Variants in RAB6A observed in about 807,000 individuals in gnomAD.
RAB6A encodes RAB6A, member RAS oncogene family.
A neutral mutation model predicts 32.3 loss-of-function variants in RAB6A; 8 were observed. That is an observed-to-expected ratio of 0.25 (90% CI 0.15 to 0.45). The LOEUF (loss-of-function observed/expected upper bound fraction) is 0.45. Ranked by LOEUF, RAB6A falls within the 20% of genes least tolerant of loss-of-function variation. The pLI is 1.00. For synonymous variants in RAB6A, 73 were observed against 82.1 expected (o/e 0.89, Z 0.60); for missense variants, 104 against 249.4 (o/e 0.42, Z 3.93).
At position 73,677,568 on chromosome 11, in the gene RAB6A, A is replaced by G. The variant is rs1400168664; in HGVS notation, c.*330T>C. On this transcript the variant is annotated 3_prime_UTR_variant, in exon 8 of 8. Transcript: ENST00000336083. ...ACCGCTCGTTAACCAAGCCATACTC[A>G]TACTGTTGAGATTTCCATCATTTTG... 3.5e-6 allele frequency: 2 copies of G among 565,652 alleles called. No individual in the cohort carries two copies. Among genetic ancestry groups the G allele is most frequent in the Non-Finnish European group, 6.2e-6 (2 of 322,256 alleles). 35.0% of individuals were successfully genotyped at this position (565,652 alleles called of 1,614,324 possible).
At chr11:73,725,945 G>T (rs1259453543) in intron 2 of RAB6A, among the ~76,000 whole-genome samples, 1 of 152,048 alleles carries the variant, frequency 6.6e-6, no homozygotes, top group Non-Finnish European at 1.5e-5. Context: ...TTGAGCTCAG[G>T]AGTTTGTCAT....
At chr11:73,712,599 C>T (rs530673607) in intron 5 of RAB6A, among the ~76,000 whole-genome samples, 30 of 152,094 alleles carry the variant, frequency 2.0e-4, no homozygotes, top group Non-Finnish European at 3.4e-4. Flanking sequence ...AATCCACCTG[C>T]CTTGGCCTCC....
rs1029355269 is a variant in RAB6A at position 73,677,189 on chromosome 11, T to C, written c.*709A>G. ...TTGTTTTAGTCAGAAATACATCTTA[T>C]GTTCTTCTACTTCTAAGTACTCAGT... is the stretch of plus-strand genomic sequence containing the variant. On this transcript the variant is annotated 3_prime_UTR_variant, in exon 8 of 8. Transcript: ENST00000336083. The C allele has an allele frequency of 7.2e-5, 12 of 167,146 alleles. No individual in the cohort carries two copies. Among genetic ancestry groups the C allele is most frequent in the African/African-American group, 2.9e-4 (12 of 41,478 alleles). The allele number at this position is 167,146 out of a possible 1,614,324, so 10.4% of individuals were successfully genotyped here. A position where few individuals can be genotyped will look rare whatever the true frequency, so the allele number is the denominator to read the frequency against.
chr11:73,679,791 T>A (rs1230666983), intron 6 of RAB6A, 71 bp from the exon 7 acceptor site: 1 of 1,584,366 alleles, frequency 6.3e-7, no homozygotes, highest in African/African-American at 1.3e-5. Context: ...TTATGATCAC[T>A]GTACAGTGAG....
rs1946411649 is a variant in RAB6A at position 73,737,179 on chromosome 11, T to C, written c.71-6356A>G. Among the ~76,000 whole-genome samples, 6 of 151,712 alleles carry C rather than the reference T, an allele frequency of 4.0e-5. No homozygotes were observed. The South Asian group carries it at 1.2e-3, about 32-fold the overall frequency. On this transcript the variant is annotated intron_variant, in intron 1 of 7. Coordinates refer to ENST00000336083, the MANE Select transcript of RAB6A (RefSeq NM_198896.2). The stretch of plus-strand genomic sequence containing the variant: ...ACATAATGTACTTCTAACCCAGAGG[T>C]TCAAGAAGAACTCACAATGGAAATT...
chr11:73,684,880 A>G (rs1283934243), intron 6 of RAB6A, among the ~76,000 whole-genome samples: 2 of 152,368 alleles, frequency 1.3e-5, no homozygotes, highest in East Asian at 3.9e-4. Context: ...GGATATATAC[A>G]TATTGGAGGC....
intron 6 of RAB6A, among the ~76,000 whole-genome samples, chr11:73,689,496 C>T (rs1038679205): frequency 1.2e-4 from 19 of 152,180 alleles, no homozygotes; most frequent in African/African-American, 4.1e-4. Flanking sequence ...TGGGCTGTGG[C>T]CCAAGGGTTG....
intron 1 of RAB6A, among the ~76,000 whole-genome samples, chr11:73,748,494 A>T (rs1946626260): frequency 6.6e-6 from 1 of 152,202 alleles, no homozygotes; most frequent in African/African-American, 2.4e-5. Context: ...CCTAGGTGAC[A>T]GAGTGAGACC....
At chr11:73,745,793 C>A (rs983278407) in intron 1 of RAB6A, among the ~76,000 whole-genome samples, 4 of 152,040 alleles carry the variant, frequency 2.6e-5, no homozygotes, top group Admixed American at 6.6e-5. Context: ...GATCACTCCA[C>A]TGGACTCCAG....
chr11:73,690,815 G>C (rs1263126040), intron 6 of RAB6A, among the ~76,000 whole-genome samples: 1 of 150,420 alleles, frequency 6.6e-6, no homozygotes, highest in Non-Finnish European at 1.5e-5. Flanking sequence ...GAAGCTAAGT[G>C]TCTCTGGACT....
intron 6 of RAB6A, among the ~76,000 whole-genome samples, chr11:73,683,815 A>C (rs886510800): frequency 6.6e-6 from 1 of 152,118 alleles, no homozygotes; most frequent in African/African-American, 2.4e-5. Context: ...AGCCTCCCAA[A>C]GTGCTGAGAT....
intron 5 of RAB6A, among the ~76,000 whole-genome samples, chr11:73,711,822 T>C (rs1259861911): frequency 1.3e-5 from 2 of 152,238 alleles, no homozygotes; most frequent in African/African-American, 4.8e-5. Flanking sequence ...GCAGTCTGAA[T>C]CTGAGGCAAA....
intron 6 of RAB6A, among the ~76,000 whole-genome samples, chr11:73,703,616 C>A (rs1377352409): frequency 4.6e-5 from 7 of 152,152 alleles, no homozygotes; most frequent in Non-Finnish European, 8.8e-5. Flanking sequence ...GTGGCATGCA[C>A]TTATAATCCC....
chr11:73,743,862 A>G (rs569704440), intron 1 of RAB6A, among the ~76,000 whole-genome samples: 1 of 152,080 alleles, frequency 6.6e-6, no homozygotes, highest in South Asian at 2.1e-4. Flanking sequence ...TGCCTGAAGG[A>G]AAAAAAACTA....
intron 6 of RAB6A, among the ~76,000 whole-genome samples, chr11:73,681,170 A>G (rs1945350414): frequency 6.6e-6 from 1 of 152,260 alleles, no homozygotes; most frequent in Non-Finnish European, 1.5e-5. Context: ...TTTGAGACAC[A>G]GAAATGAACA....
intron 1 of RAB6A, among the ~76,000 whole-genome samples, chr11:73,755,811 A>C (rs1431414884): frequency 6.9e-6 from 1 of 145,564 alleles, no homozygotes; most frequent in Non-Finnish European, 1.5e-5. Flanking sequence ...GGGAGGTGGA[A>C]AGGGGGAAGG....
At chr11:73,689,686 G>C (rs1174435415) in intron 6 of RAB6A, among the ~76,000 whole-genome samples, 1 of 152,032 alleles carries the variant, frequency 6.6e-6, no homozygotes, top group Non-Finnish European at 1.5e-5. Context: ...CACCACTTTG[G>C]GTTGTCCTAC....
intron 1 of RAB6A, among the ~76,000 whole-genome samples, chr11:73,731,702 AT>A (rs1482303954): frequency 6.2e-4 from 8 of 12,878 alleles, no homozygotes; most frequent in African/African-American, 1.9e-3. Context: ...ATATATATAT[AT>A]ATATATATAT....
At position 73,706,860 on chromosome 11, in the gene RAB6A, C is replaced by A. The variant is rs116323291; in HGVS notation, c.495+560G>T. On this transcript the variant is annotated intron_variant, in intron 6 of 7. Coordinates refer to ENST00000336083, the MANE Select transcript of RAB6A (RefSeq NM_198896.2). The stretch of plus-strand genomic sequence containing the variant: ...TACCGGCCGGGCATGGTGGCTCACA[C>A]CTGTCCCAGCACTTTGGGAGGCCAA... Among the ~76,000 whole-genome samples, 808 of 152,182 alleles carry A rather than the reference C, an allele frequency of 5.3e-3. 7 individuals are homozygous for A. Among genetic ancestry groups the A allele is most frequent in the African/African-American group, 0.018 (736 of 41,516 alleles).
Sources: allele counts gnomAD v4.1 joint callset (sites outside exome capture counted in the v4.1 genomes callset), GRCh38; gene constraint gnomAD v4.1.1; transcripts MANE v1.5; gene names NCBI Gene and HGNC (gene_info 2026-07-23, HGNC 2026-07-21).